The following CSMD1 variants were observed in gnomAD, a reference collection of about 807,000 sequenced individuals.
CSMD1 encodes the protein CUB and Sushi multiple domains 1.
CSMD1 carries 213 observed loss-of-function variants against 417.5 expected under a neutral mutation model. That is an observed-to-expected ratio of 0.51 (90% CI 0.46 to 0.57). CSMD1 has a LOEUF of 0.57. Ranked by LOEUF, CSMD1 falls within the 20% of genes least tolerant of loss-of-function variation. The pLI is 0.00. For synonymous variants in CSMD1, 2,862 were observed against 1,736.8 expected (o/e 1.65, Z -16.11); for missense variants, 6,923 against 4,529.7 (o/e 1.53, Z -15.17).
chr8:3,658,142 C>G (rs758620034), intron 7 of CSMD1, among the ~76,000 whole-genome samples: 1 of 152,110 alleles, frequency 6.6e-6, no homozygotes, highest in Non-Finnish European at 1.5e-5. Context: ...AAAACTTCAG[C>G]AGCTTATCTC....
intron 2 of CSMD1, among the ~76,000 whole-genome samples, chr8:4,436,814 C>G (rs1324724281): frequency 1.3e-5 from 2 of 152,148 alleles, no homozygotes; most frequent in Non-Finnish European, 2.9e-5. Flanking sequence ...ACAATGATCT[C>G]CAGCTCTAGC....
At position 3,952,334 on chromosome 8, in the gene CSMD1, G is replaced by C. The variant is rs191245501; in HGVS notation, c.818+45569C>G. ...TATAAATTGCATGCAGAAGCCAATAGAATAATTCAACCATCTTCTGTTGAA... is the reference window on the plus strand; with the variant it reads ...TATAAATTGCATGCAGAAGCCAATACAATAATTCAACCATCTTCTGTTGAA... On this transcript the variant is annotated intron_variant, in intron 5 of 69. Coordinates refer to ENST00000635120, the MANE Select transcript of CSMD1 (RefSeq NM_033225.6). Among the ~76,000 whole-genome samples, 96 of 152,282 alleles carry C rather than the reference G, an allele frequency of 6.3e-4. 2 individuals carry two copies. The highest frequency in any genetic ancestry group is 2.2e-3 in the African/African-American group (93 of 41,552).
chr8:4,108,211 T>A (rs555366179), intron 3 of CSMD1, among the ~76,000 whole-genome samples: 3 of 152,178 alleles, frequency 2.0e-5, no homozygotes, highest in Admixed American at 6.5e-5. Context: ...ATCAAGCTTA[T>A]GTGAAGTCCT....
At chr8:3,679,227 G>A (rs1799530465) in intron 7 of CSMD1, among the ~76,000 whole-genome samples, 1 of 152,096 alleles carries the variant, frequency 6.6e-6, no homozygotes, top group African/African-American at 2.4e-5. Context: ...CCAATTACAA[G>A]ACGCAGACTG....
chr8:4,787,000 G>C (rs1377472161), intron 1 of CSMD1, among the ~76,000 whole-genome samples: 1 of 152,182 alleles, frequency 6.6e-6, no homozygotes, highest in Admixed American at 6.5e-5. Flanking sequence ...GAGAGACCCC[G>C]TGTGTGTGGC....
At chr8:3,278,486 G>C (rs946115762) in intron 26 of CSMD1, 4 of 152,008 alleles carry the variant, frequency 2.6e-5, no homozygotes, top group East Asian at 1.9e-4. Context: ...TGTCATTTTT[G>C]CTTGGAAACA....
At chr8:4,677,925 C>T (rs1202270797) in intron 1 of CSMD1, among the ~76,000 whole-genome samples, 1 of 152,022 alleles carries the variant, frequency 6.6e-6, no homozygotes, top group Non-Finnish European at 1.5e-5. Context: ...TATATTGATT[C>T]CGTAGGTATA....
At chr8:3,181,361 T>A (rs1449826075) in intron 36 of CSMD1, 147 bp from the exon 37 acceptor site, 3 of 638,260 alleles carry the variant, frequency 4.7e-6, no homozygotes, top group Non-Finnish European at 8.1e-6. Flanking sequence ...GGTTTTATTA[T>A]GTATTCAGCC....
chr8:4,145,324 G>A (rs529052416), intron 3 of CSMD1, among the ~76,000 whole-genome samples: 2 of 150,842 alleles, frequency 1.3e-5, no homozygotes, highest in Non-Finnish European at 2.9e-5. Flanking sequence ...ACCATTTTTT[G>A]AGGAAAAAAA....
At chr8:3,805,256 T>G (rs1176357312) in intron 5 of CSMD1, among the ~76,000 whole-genome samples, 1 of 152,116 alleles carries the variant, frequency 6.6e-6, no homozygotes, top group Non-Finnish European at 1.5e-5. Flanking sequence ...CAACCACCAT[T>G]TCTCCTAGGG....
At chr8:3,279,508 C>G (rs1021507036) in intron 26 of CSMD1, among the ~76,000 whole-genome samples, 6 of 152,066 alleles carry the variant, frequency 3.9e-5, no homozygotes, top group Non-Finnish European at 5.9e-5. Flanking sequence ...TTTAAAATGC[C>G]ACATGGTACG....
intron 11 of CSMD1, among the ~76,000 whole-genome samples, chr8:3,481,698 A>C (rs1817758487): frequency 6.6e-6 from 1 of 152,214 alleles, no homozygotes; most frequent in African/African-American, 2.4e-5. Context: ...TTTCAGGCAG[A>C]GAAGATGGTC....
At chr8:3,792,636 T>G (rs553790067) in intron 5 of CSMD1, among the ~76,000 whole-genome samples, 1 of 152,300 alleles carries the variant, frequency 6.6e-6, no homozygotes, top group Admixed American at 6.5e-5. Context: ...AGGCAGTAAG[T>G]TAATCATTTG....
intron 1 of CSMD1, among the ~76,000 whole-genome samples, chr8:4,895,579 T>C (rs991476840): frequency 1.3e-5 from 2 of 152,124 alleles, no homozygotes; most frequent in African/African-American, 4.8e-5. Flanking sequence ...TTCAAAGGTA[T>C]TGATTATAGT....
chr8:3,617,302 A>G (rs1445566722), intron 7 of CSMD1, among the ~76,000 whole-genome samples: 1 of 152,222 alleles, frequency 6.6e-6, no homozygotes, highest in African/African-American at 2.4e-5. Flanking sequence ...TCTTTGTTCA[A>G]ATGCACTGAT....
At chr8:4,095,095 G>A (rs964319661) in intron 3 of CSMD1, among the ~76,000 whole-genome samples, 1 of 152,160 alleles carries the variant, frequency 6.6e-6, no homozygotes, top group Non-Finnish European at 1.5e-5. Flanking sequence ...AACTGCAGAG[G>A]AAACAAAGTG....
chr8:3,071,830 T>C lies in CSMD1; in HGVS notation c.7474+15267A>G, dbSNP rs896975698. Among the ~76,000 whole-genome samples, 10 of 152,172 alleles carry C rather than the reference T, an allele frequency of 6.6e-5. No homozygotes were observed. In the East Asian group the frequency reaches 1.9e-3, roughly 29 times the overall value. ...GTCATTTCATATATTTATAATTTGG[T>C]CACCAAACCTGTCCAGTTATGAAGG... is the stretch of plus-strand genomic sequence containing the variant. On this transcript the variant is annotated intron_variant, in intron 49 of 69. Transcript: ENST00000635120.
intron 5 of CSMD1, among the ~76,000 whole-genome samples, chr8:3,859,559 C>T (rs1253013701): frequency 6.6e-6 from 1 of 152,118 alleles, no homozygotes; most frequent in Non-Finnish European, 1.5e-5. Flanking sequence ...CTACATCTAA[C>T]AATCTTAGTG....
chr8:4,132,370 T>C (rs368171244), intron 3 of CSMD1, among the ~76,000 whole-genome samples: 4 of 152,308 alleles, frequency 2.6e-5, no homozygotes, highest in East Asian at 1.9e-4. Context: ...AGAATACATC[T>C]TGACTTTGTG....
Sources: allele counts gnomAD v4.1 joint callset (sites outside exome capture counted in the v4.1 genomes callset), GRCh38; gene constraint gnomAD v4.1.1; transcripts MANE v1.5; gene names NCBI Gene and HGNC (gene_info 2026-07-23, HGNC 2026-07-21).